MAP3K4: variants seen among roughly 807,000 people sequenced by gnomAD.
The protein encoded by MAP3K4 is MAP three kinase 1.
MAP3K4 carries 67 observed loss-of-function variants against 185.6 expected under a neutral mutation model. The observed-to-expected ratio is 0.36, with a 90% CI of 0.30 to 0.44. The LOEUF is 0.44. Among genes scored for constraint, MAP3K4 ranks in the 20% least tolerant of loss-of-function variants. MAP3K4 has a pLI of 1.00. For synonymous variants in MAP3K4, 702 were observed against 710.4 expected (o/e 0.99, Z 0.19); for missense variants, 1,551 against 1,995.1 (o/e 0.78, Z 4.24).
At chr6:161,029,286 C>T (rs1488957700) in intron 1 of MAP3K4, among the ~76,000 whole-genome samples, 1 of 152,164 alleles carries the variant, frequency 6.6e-6, no homozygotes, top group Non-Finnish European at 1.5e-5. Context: ...TGCAGAACCA[C>T]AGATGTTTTC....
chr6:161,005,083 T>C (rs1781515119), intron 1 of MAP3K4, among the ~76,000 whole-genome samples: 1 of 152,124 alleles, frequency 6.6e-6, no homozygotes, highest in Non-Finnish European at 1.5e-5. Flanking sequence ...TCTACAACTT[T>C]CTGTATTCAA....
chr6:161,106,759 A>T lies in MAP3K4; in HGVS notation c.4048+54A>T, dbSNP rs571677719. 3.5e-6 allele frequency: 5 copies of T among 1,432,960 alleles called. No homozygotes were observed. The Admixed American group carries it at 9.9e-5, about 28-fold the overall frequency. 88.8% of individuals were successfully genotyped at this position (1,432,960 alleles called of 1,614,324 possible). On this transcript the variant is annotated intron_variant, in intron 20 of 26. Transcript: ENST00000392142. The surrounding 1 kb of genome is among the most constrained non-coding windows in gnomAD (Gnocchi z 4.9). ...GATAGTCCCTGTTAGAAGTAGCAAT[A>T]GTTATACTTCTTTAGGTTGAATCCT...
intron 1 of MAP3K4, among the ~76,000 whole-genome samples, chr6:161,027,441 A>G (rs376482775): frequency 6.6e-6 from 1 of 152,350 alleles, no homozygotes; most frequent in East Asian, 1.9e-4. Context: ...ATTAAAAAAA[A>G]ATTGCCTTCA....
In MAP3K4 at chr6:161,022,102, C is replaced by T. The variant is rs1782426853; in HGVS notation, c.153-12157C>T. ...TGAAAGGCTGTTTTCTATTTCAACA[C>T]ACGCACACCGGCACACACCCAGGCT... On this transcript the variant is annotated intron_variant, in intron 1 of 26. Coordinates refer to ENST00000392142, the MANE Select transcript of MAP3K4 (RefSeq NM_005922.4). This position sits in a 1 kb window ranked among gnomAD's most constrained non-coding sequence, Gnocchi z 4.2. 1.3e-5 allele frequency: 2 copies of T among 152,162 alleles called. No homozygotes were observed. The highest frequency in any genetic ancestry group is 4.1e-4 in the South Asian group (2 of 4,826). 9.4% of individuals were successfully genotyped at this position (152,162 alleles called of 1,614,324 possible). A position where few individuals can be genotyped will look rare whatever the true frequency, so the allele number is the denominator to read the frequency against.
Position 161,088,245 on chromosome 6 carries a change from G to A in MAP3K4, c.2823+291G>A, listed in dbSNP as rs999768095. Among the ~76,000 whole-genome samples, 53 of 152,150 alleles carry A rather than the reference G, an allele frequency of 3.5e-4. 2 individuals are homozygous for A. Among genetic ancestry groups the A allele is most frequent in the Non-Finnish European group, 4.4e-5 (3 of 68,032 alleles). On this transcript the variant is annotated intron_variant, in intron 10 of 26. Transcript: ENST00000392142. The surrounding 1 kb of genome is among the most constrained non-coding windows in gnomAD (Gnocchi z 4.5). ...TCTGTGGAGCTATGATCTAAAAGGA[G>A]TTATGTCACTAATATAATTTGTAGT...
Position 161,067,264 on chromosome 6 carries a change from A to G in MAP3K4, c.1708-3344A>G, listed in dbSNP as rs1220138759. On this transcript the variant is annotated intron_variant, in intron 3 of 26. Coordinates refer to ENST00000392142, the MANE Select transcript of MAP3K4 (RefSeq NM_005922.4). This position sits in a 1 kb window ranked among gnomAD's most constrained non-coding sequence, Gnocchi z 6.3. ...TGGTTCCATCCAGAAAGACAGGACA[A>G]CTCGAAGCAGGGATGGGGCTTGCAG... 4.5e-6 allele frequency: 2 copies of G among 443,496 alleles called. No homozygotes were observed. The highest frequency in any genetic ancestry group is 4.8e-5 in the Admixed American group (2 of 41,326). The allele number at this position is 443,496 out of a possible 1,614,324, so 27.5% of individuals were successfully genotyped here. A position where few individuals can be genotyped will look rare whatever the true frequency, so the allele number is the denominator to read the frequency against.
rs1778408445 is a variant in MAP3K4, at chr6:161,112,719, G to A, written c.4571G>A (p.Arg1524His). The A allele has an allele frequency of 2.5e-6, 4 of 1,608,440 alleles. No homozygotes were observed. Among genetic ancestry groups the A allele is most frequent in the East Asian group, 2.2e-5 (1 of 44,652 alleles). Residue 1524 changes from arginine to histidine, a missense_variant, in exon 25 of 27, where the codon CGT (arginine) becomes CAT (histidine). Arg to His is a conservative substitution (Grantham distance 29, BLOSUM62 0). Coordinates refer to ENST00000392142, the MANE Select transcript of MAP3K4 (RefSeq NM_005922.4). The surrounding 1 kb of genome is among the most constrained non-coding windows in gnomAD (Gnocchi z 5.1). Reference sequence around the variant, plus strand: ...CGTGCCAAAGGAGAGGGCCATGGGCGTGCGGCCGACATCTGGAGTCTGGGG... The same window carrying A: ...CGTGCCAAAGGAGAGGGCCATGGGCATGCGGCCGACATCTGGAGTCTGGGG... ...ITRAKGEGHG[R>H]AADIWSLGCV...
rs1784893180 is a variant in MAP3K4 at position 161,070,578 on chromosome 6, T to TA, written c.1708-28dup. ...TAGAACGTTGTCTCGTATGCTCTTTTAATCTGTGCCTGTTGAATTTTTGTT... is the reference window on the plus strand; with the variant it reads ...TAGAACGTTGTCTCGTATGCTCTTTTAAATCTGTGCCTGTTGAATTTTTGTT... On this transcript the variant is annotated intron_variant, in intron 3 of 26. Coordinates refer to ENST00000392142, the MANE Select transcript of MAP3K4 (RefSeq NM_005922.4). This position sits in a 1 kb window ranked among gnomAD's most constrained non-coding sequence, Gnocchi z 4.5. 6.2e-7 allele frequency: 1 copy of TA among 1,606,738 alleles called. No homozygotes were observed. Among genetic ancestry groups the TA allele is most frequent in the Non-Finnish European group, 8.5e-7 (1 of 1,176,674 alleles).
intron 1 of MAP3K4, among the ~76,000 whole-genome samples, chr6:161,010,070 C>T (rs907988127): frequency 2.0e-5 from 3 of 152,154 alleles, no homozygotes; most frequent in Non-Finnish European, 2.9e-5. Context: ...CATTTTAAAT[C>T]GTGAGGTTGA....
intron 1 of MAP3K4, among the ~76,000 whole-genome samples, chr6:161,028,070 T>G (rs957378817): frequency 1.3e-5 from 2 of 152,188 alleles, no homozygotes; most frequent in Non-Finnish European, 2.9e-5. Flanking sequence ...TCCAGTGTCA[T>G]TTTTGCTACA....
chr6:161,055,710 G>C (rs1784202285), intron 3 of MAP3K4, among the ~76,000 whole-genome samples: 1 of 152,160 alleles, frequency 6.6e-6, no homozygotes, highest in South Asian at 2.1e-4. Context: ...GGGGTGATGG[G>C]GCTTGGGAAT....
chr6:161,009,780 A>T (rs1676823006), intron 1 of MAP3K4, among the ~76,000 whole-genome samples: 1 of 152,182 alleles, frequency 6.6e-6, no homozygotes. Context: ...ATAATTTTTA[A>T]GTCTTTGCTA....
Position 161,097,962 on chromosome 6 carries a change from T to A in MAP3K4, c.3525-316T>A, listed in dbSNP as rs954602085. 6.6e-6 allele frequency among the ~76,000 whole-genome samples: 1 copy of A among 151,792 alleles called. No homozygotes were observed. The highest frequency in any genetic ancestry group is 2.4e-5 in the African/African-American group (1 of 41,306). On this transcript the variant is annotated intron_variant, in intron 16 of 26. Coordinates refer to ENST00000392142, the MANE Select transcript of MAP3K4 (RefSeq NM_005922.4). The surrounding 1 kb of genome is among the most constrained non-coding windows in gnomAD (Gnocchi z 4.9). The stretch of plus-strand genomic sequence containing the variant: ...AATAGCTGGGTATGGTGGCCGTGCC[T>A]GTAGTCCCAGCTACTCAGGAGGCTG...
At chr6:161,066,614 TATTA>T (rs997103626) in intron 3 of MAP3K4, among the ~76,000 whole-genome samples, 4 of 152,204 alleles carry the variant, frequency 2.6e-5, no homozygotes, top group Non-Finnish European at 5.9e-5. Flanking sequence ...ATTAAATCGG[TATTA>T]ATTGAGCCCA....
At chr6:160,995,118 A>C (rs1267143833) in intron 1 of MAP3K4, among the ~76,000 whole-genome samples, 4 of 152,080 alleles carry the variant, frequency 2.6e-5, no homozygotes, top group African/African-American at 7.2e-5. Flanking sequence ...TTTTTTAATT[A>C]TTATTTTTAA....
chr6:161,087,797 C>A lies in MAP3K4; in HGVS notation c.2666C>A (p.Ser889Ter). ...LLNAAAGKDC[S>*]KDSDDVLIDA... ...AATGCAGCTGCAGGAAAGGACTGTT[C>A]AAAAGATTCAGATGACGTACTCATC... Residue 889 changes from serine to a stop codon, truncating the protein, a stop_gained, in exon 10 of 27, where the codon TCA becomes TAA. Coordinates refer to ENST00000392142, the MANE Select transcript of MAP3K4 (RefSeq NM_005922.4). LOFTEE classifies it high-confidence loss of function. The surrounding 1 kb of genome is among the most constrained non-coding windows in gnomAD (Gnocchi z 4.9). 1 of 1,614,142 alleles carries A rather than the reference C, an allele frequency of 6.2e-7. No homozygotes were observed. Among genetic ancestry groups the A allele is most frequent in the South Asian group, 1.1e-5 (1 of 91,062 alleles).
At chr6:161,004,240 G>A (rs619831) in intron 1 of MAP3K4, among the ~76,000 whole-genome samples, 140,678 of 152,136 alleles carry the variant, frequency 0.92, 65,329 homozygotes, top group Non-Finnish European at 0.94. Flanking sequence ...TAAAAACAAA[G>A]CTGAAATTAT....
intron 25 of MAP3K4, among the ~76,000 whole-genome samples, chr6:161,113,018 A>G (rs1778420153): frequency 6.6e-6 from 1 of 152,234 alleles, no homozygotes; most frequent in Non-Finnish European, 1.5e-5. Flanking sequence ...ACCTCTAATT[A>G]AAACACAGGG....
chr6:161,073,417 G>T lies in MAP3K4; in HGVS notation c.1951-49G>T. The T allele has an allele frequency of 6.7e-7, 1 of 1,494,462 alleles. No homozygotes were observed. The highest frequency in any genetic ancestry group is 1.4e-5 in the South Asian group (1 of 73,190). 92.6% of individuals were successfully genotyped at this position (1,494,462 alleles called of 1,614,324 possible). On this transcript the variant is annotated intron_variant, in intron 4 of 26. Coordinates refer to ENST00000392142, the MANE Select transcript of MAP3K4 (RefSeq NM_005922.4). The surrounding 1 kb of genome is among the most constrained non-coding windows in gnomAD (Gnocchi z 4.2). ...AGTAGGAAGATATAAAACACGGATC[G>T]TCTGGTTGGAGTTTATGGCTGCTGG... is the stretch of plus-strand genomic sequence containing the variant.
Sources: allele counts gnomAD v4.1 joint callset (sites outside exome capture counted in the v4.1 genomes callset), GRCh38; gene constraint gnomAD v4.1.1; non-coding constraint Gnocchi (gnomAD v3.1); transcripts MANE v1.5; gene names NCBI Gene and HGNC (gene_info 2026-07-23, HGNC 2026-07-21).